Variants in CACNA2D3 observed in about 807,000 individuals in gnomAD.
CACNA2D3 encodes the protein voltage-dependent calcium channel subunit alpha-2/delta-3.
Under a neutral mutation model 160.6 loss-of-function variants are expected in CACNA2D3, and 60 were observed. The observed-to-expected ratio is 0.37, with a 90% CI of 0.30 to 0.46. CACNA2D3 has a LOEUF of 0.46. CACNA2D3 is among the 20% of genes least tolerant of loss of function. The probability of loss-of-function intolerance (pLI) is 1.00; values close to 1 mark genes in which losing one functional copy is unlikely to be tolerated. For missense variants in CACNA2D3, 1,205 were observed against 1,365.0 expected, an observed-to-expected ratio of 0.88 and a Z score of 1.85; for synonymous variants, 558 against 492.9, an observed-to-expected ratio of 1.13 and a Z score of -1.75.
intron 35 of CACNA2D3, among the ~76,000 whole-genome samples, chr3:55,046,040 G>A (rs1159339503): frequency 6.6e-6 from 1 of 151,464 alleles, no homozygotes; most frequent in South Asian, 2.1e-4. Flanking sequence ...TTTCTCTGAA[G>A]TACTTCTTTA....
chr3:54,461,505 G>C (rs1183774200), intron 4 of CACNA2D3, among the ~76,000 whole-genome samples: 1 of 151,396 alleles, frequency 6.6e-6, no homozygotes, highest in Admixed American at 6.6e-5. Context: ...TTAGTCTTGG[G>C]AGGGTGTACG....
At chr3:54,385,221 C>T (rs1286701087) in intron 3 of CACNA2D3, among the ~76,000 whole-genome samples, 2 of 152,150 alleles carry the variant, frequency 1.3e-5, no homozygotes, top group East Asian at 3.9e-4. Flanking sequence ...TTCGGTGGGA[C>T]TGGGATGGGC....
At chr3:54,712,928 C>T (rs1343680452) in intron 11 of CACNA2D3, among the ~76,000 whole-genome samples, 1 of 152,170 alleles carries the variant, frequency 6.6e-6, no homozygotes, top group Non-Finnish European at 1.5e-5. Flanking sequence ...CCATCTGCAA[C>T]CTTAATTCCC....
At chr3:54,186,478 G>A (rs185185074) in intron 2 of CACNA2D3, among the ~76,000 whole-genome samples, 113 of 152,244 alleles carry the variant, frequency 7.4e-4, no homozygotes, top group African/African-American at 2.6e-3. Context: ...TGATAATTTA[G>A]GGGGCATTGG....
chr3:54,677,770 A>G (rs540373527), intron 11 of CACNA2D3, among the ~76,000 whole-genome samples: 134 of 152,240 alleles, frequency 8.8e-4, no homozygotes, highest in African/African-American at 3.0e-3. Flanking sequence ...CAAAGAGGAT[A>G]TTGGAATCTT....
chr3:54,690,083 T>C (rs1700545634), intron 11 of CACNA2D3, among the ~76,000 whole-genome samples: 1 of 152,044 alleles, frequency 6.6e-6, no homozygotes, highest in Non-Finnish European at 1.5e-5. Context: ...TCCCTAGATA[T>C]CTGCACATCC....
At chr3:54,325,305 G>T (rs116266280) in intron 3 of CACNA2D3, among the ~76,000 whole-genome samples, 1 of 152,040 alleles carries the variant, frequency 6.6e-6, no homozygotes, top group African/African-American at 2.4e-5. Context: ...ATTTTGGTGC[G>T]GTACATATAA....
chr3:54,478,662 A>ATG (rs1700876387), intron 4 of CACNA2D3, among the ~76,000 whole-genome samples: 1 of 36,024 alleles, frequency 2.8e-5, no homozygotes, highest in African/African-American at 1.9e-4. Flanking sequence ...ATGTGTGTGT[A>ATG]TATATATATA....
chr3:54,310,671 A>G (rs1703719234), intron 2 of CACNA2D3, among the ~76,000 whole-genome samples: 1 of 152,164 alleles, frequency 6.6e-6, no homozygotes, highest in Non-Finnish European at 1.5e-5. Flanking sequence ...TGTTGGTTGC[A>G]CGTTTCTTCT....
chr3:54,167,473 G>C (rs561363677), intron 2 of CACNA2D3, among the ~76,000 whole-genome samples: 4 of 152,282 alleles, frequency 2.6e-5, no homozygotes, highest in South Asian at 4.2e-4. Flanking sequence ...CTGGGGATTT[G>C]TAATGACTAA....
chr3:54,368,311 A>C (rs1698861036), intron 3 of CACNA2D3, among the ~76,000 whole-genome samples: 1 of 152,138 alleles, frequency 6.6e-6, no homozygotes. Context: ...TACAAAAACA[A>C]ACAAACAAAC....
intron 35 of CACNA2D3, among the ~76,000 whole-genome samples, chr3:55,071,428 T>G (rs1395587071): frequency 1.3e-5 from 2 of 152,204 alleles, no homozygotes; most frequent in Non-Finnish European, 2.9e-5. Flanking sequence ...TTTTAAATAC[T>G]TTTTAATATT....
chr3:54,265,527 A>AGTGT lies in CACNA2D3; in HGVS notation c.205-54913_205-54912insGTGT, dbSNP rs536088158. 3.2e-4 allele frequency among the ~76,000 whole-genome samples: 39 copies of AGTGT among 123,682 alleles called. 1 individual carries two copies. Among genetic ancestry groups the AGTGT allele is most frequent in the African/African-American group, 1.3e-3 (35 of 27,458 alleles). 81.1% of individuals were successfully genotyped at this position (123,682 alleles called of 152,430 possible). A position where few individuals can be genotyped will look rare whatever the true frequency, so the allele number is the denominator to read the frequency against. On this transcript the variant is annotated intron_variant, in intron 2 of 37. Transcript: ENST00000474759. ...TCTGCACATGTATCCCAGAACTTAA[A>AGTGT]GTATGTGTGTGTGTGTGTGTGTGTG...
intron 35 of CACNA2D3, among the ~76,000 whole-genome samples, chr3:55,069,534 C>T (rs1040376711): frequency 3.9e-5 from 6 of 152,004 alleles, no homozygotes; most frequent in East Asian, 1.9e-4. Context: ...AAATATTTTT[C>T]GTTGGTTATT....
intron 2 of CACNA2D3, among the ~76,000 whole-genome samples, chr3:54,290,348 A>T (rs1703157061): frequency 6.6e-6 from 1 of 152,172 alleles, no homozygotes. Context: ...ACAAATCAAA[A>T]CCACATTGAG....
At chr3:54,241,954 G>T (rs1219067930) in intron 2 of CACNA2D3, among the ~76,000 whole-genome samples, 1 of 152,174 alleles carries the variant, frequency 6.6e-6, no homozygotes, top group Non-Finnish European at 1.5e-5. Context: ...AGTTTGTATA[G>T]TAGTTCCTCT....
At chr3:54,236,003 T>C (rs1294069325) in intron 2 of CACNA2D3, among the ~76,000 whole-genome samples, 1 of 152,190 alleles carries the variant, frequency 6.6e-6, no homozygotes, top group Non-Finnish European at 1.5e-5. Flanking sequence ...CATGTACCCT[T>C]GATAAGATGT....
intron 3 of CACNA2D3, among the ~76,000 whole-genome samples, chr3:54,377,075 G>T (rs1699025402): frequency 6.6e-6 from 1 of 152,230 alleles, no homozygotes; most frequent in Admixed American, 6.5e-5. Context: ...GGAGCTGCCT[G>T]CCACACTCAC....
chr3:54,381,653 A>G (rs987963555), intron 3 of CACNA2D3, among the ~76,000 whole-genome samples: 1 of 152,210 alleles, frequency 6.6e-6, no homozygotes, highest in African/African-American at 2.4e-5. Flanking sequence ...GACACTGTGC[A>G]TTCTGTAATG....
Sources: allele counts gnomAD v4.1 joint callset (sites outside exome capture counted in the v4.1 genomes callset), GRCh38; gene constraint gnomAD v4.1.1; transcripts MANE v1.5; gene names NCBI Gene and HGNC (gene_info 2026-07-23, HGNC 2026-07-21).